The following CLTB variants were observed in gnomAD, a reference collection of about 807,000 sequenced individuals.
CLTB encodes the protein clathrin, light chain (Lcb).
In CLTB, 10 loss-of-function variants were observed where a neutral mutation model predicts 30.5. That is an observed-to-expected ratio of 0.33 (90% CI 0.20 to 0.56). CLTB has a LOEUF of 0.56. CLTB is among the 20% of genes least tolerant of loss of function. The pLI, the probability that CLTB is intolerant of heterozygous loss-of-function variation, is 0.91. For missense variants in CLTB, 261 were observed against 308.3 expected (o/e 0.85, Z 1.15); for synonymous variants, 102 against 120.3 (o/e 0.85, Z 1.00).
intron 2 of CLTB, among the ~76,000 whole-genome samples, chr5:176,409,293 G>GAAAAAAA (rs34356476): frequency 1.9e-5 from 2 of 103,062 alleles, no homozygotes; most frequent in Non-Finnish European, 4.1e-5. Context: ...TTTTAAAATT[G>GAAAAAAA]AAAAAAAAAA....
intron 2 of CLTB, among the ~76,000 whole-genome samples, chr5:176,409,810 T>C (rs973108339): frequency 4.6e-5 from 7 of 152,234 alleles, no homozygotes; most frequent in African/African-American, 1.7e-4. Context: ...TCTGCCATTA[T>C]AAATAACCCT....
At chr5:176,403,481 G>A (rs1581435597) in intron 2 of CLTB, among the ~76,000 whole-genome samples, 1 of 151,394 alleles carries the variant, frequency 6.6e-6, no homozygotes, top group African/African-American at 2.4e-5. Context: ...TTGAGATGGA[G>A]TCTCGCTCTG....
chr5:176,413,053 C>T (rs1757527823), intron 1 of CLTB, among the ~76,000 whole-genome samples: 1 of 152,186 alleles, frequency 6.6e-6, no homozygotes, highest in Non-Finnish European at 1.5e-5. Flanking sequence ...GCCTCAGCCT[C>T]GAGAGTGTTC....
chr5:176,409,293 GA>G (rs34356476), intron 2 of CLTB, among the ~76,000 whole-genome samples: 13,699 of 103,014 alleles, frequency 0.13, 1,461 homozygotes, highest in African/African-American at 0.36. Context: ...TTTTAAAATT[GA>G]AAAAAAAAAA....
intron 1 of CLTB, among the ~76,000 whole-genome samples, chr5:176,412,977 C>G (rs1452878829): frequency 6.6e-6 from 1 of 151,392 alleles, no homozygotes; most frequent in Non-Finnish European, 1.5e-5. Context: ...TGACCAACCC[C>G]AGTCTCAGAC....
chr5:176,404,485 C>T (rs1232435670), intron 2 of CLTB, among the ~76,000 whole-genome samples: 1 of 152,228 alleles, frequency 6.6e-6, no homozygotes, highest in Non-Finnish European at 1.5e-5. Context: ...GACTAGCCCA[C>T]AGCCAGCCAG....
At chr5:176,410,127 G>A (rs981300160) in intron 2 of CLTB, 130 bp downstream of exon 2, 1 of 785,146 alleles carries the variant, frequency 1.3e-6, no homozygotes, top group Non-Finnish European at 2.1e-6. Flanking sequence ...CTTTCTCTAT[G>A]TTTCCACCCC....
chr5:176,392,758 T>C lies in CLTB; in HGVS notation c.*16A>G, dbSNP rs1235765104. The C allele has an allele frequency of 3.1e-6, 5 of 1,613,120 alleles. No homozygotes were observed. Among genetic ancestry groups the C allele is most frequent in the African/African-American group, 1.3e-5 (1 of 74,914 alleles). On this transcript the variant is annotated 3_prime_UTR_variant, in exon 6 of 6. Coordinates refer to ENST00000310418, the MANE Select transcript of CLTB (RefSeq NM_007097.5). This position sits in a 1 kb window ranked among gnomAD's most constrained non-coding sequence, Gnocchi z 5.2. Reference sequence around the variant, plus strand: ...AGGCCCAGCCCATGCTCTGTGGCCATGCACCTAGCAGGCACCTAGCGGGAC... The same window carrying C: ...AGGCCCAGCCCATGCTCTGTGGCCACGCACCTAGCAGGCACCTAGCGGGAC...
At chr5:176,416,057 G>A in intron 1 of CLTB, 120 bp downstream of exon 1, 1 of 890,160 alleles carries the variant, frequency 1.1e-6, no homozygotes, top group Non-Finnish European at 1.6e-6. Flanking sequence ...TCTTCCCCAC[G>A]TCTCCCAGCT....
Position 176,392,790 on chromosome 5 carries a change from G to A in CLTB, c.674C>T (p.Thr225Met), listed in dbSNP as rs764415111. 1.2e-5 allele frequency: 20 copies of A among 1,614,046 alleles called. No individual in the cohort carries two copies. Among genetic ancestry groups the A allele is most frequent in the East Asian group, 2.2e-5 (1 of 44,898 alleles). The change falls in exon 6 of 6, where the codon ACG (threonine) becomes ATG (methionine). Residue 225 changes from threonine to methionine, a missense_variant. Transcript: ENST00000310418. The surrounding 1 kb of genome is among the most constrained non-coding windows in gnomAD (Gnocchi z 5.2). ...LRSVLMSLKQTPLSR is the reference protein window; with the variant it reads ...LRSVLMSLKQMPLSR ...AGCAGGCACCTAGCGGGACAGTGGC[G>A]TCTGCTTCAGGGACATGAGCACCGA...
chr5:176,396,592 G>T, intron 4 of CLTB, 60 bp from the exon 5 acceptor site: 1 of 1,234,968 alleles, frequency 8.1e-7, no homozygotes, highest in Non-Finnish European at 1.2e-6. Context: ...AAGACAGACA[G>T]GCAGGCAGAA....
intron 1 of CLTB, among the ~76,000 whole-genome samples, chr5:176,413,447 T>C (rs1757545975): frequency 6.6e-6 from 1 of 152,158 alleles, no homozygotes; most frequent in Admixed American, 6.5e-5. Context: ...GTGTCCATCA[T>C]CCAGATCACC....
At chr5:176,403,797 T>C (rs1234514805) in intron 2 of CLTB, among the ~76,000 whole-genome samples, 1 of 151,990 alleles carries the variant, frequency 6.6e-6, no homozygotes, top group Non-Finnish European at 1.5e-5. Flanking sequence ...TCTCGCTCTG[T>C]TGTCCAGGCT....
intron 2 of CLTB, chr5:176,407,410 T>A (rs1379283195): frequency 6.6e-6 from 1 of 152,262 alleles, no homozygotes; most frequent in Admixed American, 6.5e-5. Context: ...TTCAAGCAGT[T>A]CTCCTGCCTC....
Position 176,392,733 on chromosome 5 carries a change from A to C in CLTB, c.*41T>G, listed in dbSNP as rs746961496. On this transcript the variant is annotated 3_prime_UTR_variant, in exon 6 of 6. Transcript: ENST00000310418. This position sits in a 1 kb window ranked among gnomAD's most constrained non-coding sequence, Gnocchi z 5.2. Reference sequence around the variant, plus strand: ...CAAAGCAGCTGCTCCTCCTGTGCCCAGGCCCAGCCCATGCTCTGTGGCCAT... The same window carrying C: ...CAAAGCAGCTGCTCCTCCTGTGCCCCGGCCCAGCCCATGCTCTGTGGCCAT... 39 of 1,605,464 alleles carry C rather than the reference A, an allele frequency of 2.4e-5. No individual in the cohort carries two copies. Among genetic ancestry groups the C allele is most frequent in the Non-Finnish European group, 3.2e-5 (37 of 1,174,212 alleles).
intron 2 of CLTB, among the ~76,000 whole-genome samples, chr5:176,401,549 G>A (rs917463569): frequency 6.6e-6 from 1 of 152,170 alleles, no homozygotes; most frequent in Non-Finnish European, 1.5e-5. Flanking sequence ...TGTAGGGGAG[G>A]AGGAAGGGAA....
chr5:176,414,987 T>C (rs1045238206), intron 1 of CLTB, among the ~76,000 whole-genome samples: 1 of 152,240 alleles, frequency 6.6e-6, no homozygotes, highest in Non-Finnish European at 1.5e-5. Context: ...TATGTATATA[T>C]GTTAGCACTT....
intron 1 of CLTB, among the ~76,000 whole-genome samples, chr5:176,413,061 T>C (rs974868098): frequency 1.3e-5 from 2 of 152,144 alleles, no homozygotes; most frequent in African/African-American, 4.8e-5. Context: ...CTCGAGAGTG[T>C]TCCTCTGGAC....
chr5:176,402,094 G>A (rs1332648156), intron 2 of CLTB, among the ~76,000 whole-genome samples: 1 of 152,144 alleles, frequency 6.6e-6, no homozygotes, highest in Non-Finnish European at 1.5e-5. Context: ...CCTGAGCTCA[G>A]GAGTTCGAGA....
Sources: allele counts gnomAD v4.1 joint callset (sites outside exome capture counted in the v4.1 genomes callset), GRCh38; gene constraint gnomAD v4.1.1; non-coding constraint Gnocchi (gnomAD v3.1); transcripts MANE v1.5; gene names NCBI Gene and HGNC (gene_info 2026-07-23, HGNC 2026-07-21).